Variants in DLC1 observed in about 807,000 individuals in gnomAD.
DLC1 encodes the protein DLC1 Rho GTPase activating protein, also known as rho GTPase-activating protein 7.
A neutral mutation model predicts 140.3 loss-of-function variants in DLC1; 54 were observed. That is an observed-to-expected ratio of 0.38 (90% CI 0.31 to 0.48). The LOEUF is 0.48. Ranked by LOEUF, DLC1 falls within the 20% of genes least tolerant of loss-of-function variation. DLC1 has a pLI of 0.96. For synonymous variants in DLC1, 986 were observed against 728.1 expected (o/e 1.35, Z -5.70); for missense variants, 2,536 against 1,907.0 (o/e 1.33, Z -6.14).
chr8:13,359,861 C>G (rs1395524317), intron 4 of DLC1, among the ~76,000 whole-genome samples: 3 of 152,156 alleles, frequency 2.0e-5, no homozygotes, highest in African/African-American at 7.2e-5. Flanking sequence ...TTTAAGTTCT[C>G]ATGCTATTCA....
chr8:13,296,110 C>T (rs1200224006), intron 5 of DLC1, among the ~76,000 whole-genome samples: 3 of 151,706 alleles, frequency 2.0e-5, no homozygotes, highest in Non-Finnish European at 4.4e-5. Context: ...CATGCACCAC[C>T]ACGCCCAGCT....
At chr8:13,134,182 A>G (rs2128965850) in intron 5 of DLC1, among the ~76,000 whole-genome samples, 1 of 152,368 alleles carries the variant, frequency 6.6e-6, no homozygotes, top group Admixed American at 6.5e-5. Context: ...AAGGGATCAC[A>G]GCTAAATATA....
At position 13,496,808 on chromosome 8, in the gene DLC1, TTTTTTTTTTTG is replaced by T. The variant is rs1389914753; in HGVS notation, c.1023+2230_1023+2240del. The stretch of plus-strand genomic sequence containing the variant: ...TTCCTTTTTTTTTTTTTTTTTTTTT[TTTTTTTTTTTG>T]AGATGGAGTTTCGCTGTGTCACCCA... On this transcript the variant is annotated intron_variant, in intron 2 of 17. Transcript: ENST00000276297. Among the ~76,000 whole-genome samples the T allele has an allele frequency of 1.9e-4, 22 of 118,800 alleles. 3 individuals are homozygous for T. The highest frequency in any genetic ancestry group is 7.2e-4 in the East Asian group (3 of 4,166). 77.9% of individuals were successfully genotyped at this position (118,800 alleles called of 152,430 possible).
intron 2 of DLC1, among the ~76,000 whole-genome samples, chr8:13,428,158 A>C (rs1269077182): frequency 6.6e-6 from 1 of 152,148 alleles, no homozygotes; most frequent in Non-Finnish European, 1.5e-5. Flanking sequence ...TAAAAAGATA[A>C]GGTGGCAAAA....
At chr8:13,177,335 T>C (rs1197055194) in intron 5 of DLC1, among the ~76,000 whole-genome samples, 4 of 152,256 alleles carry the variant, frequency 2.6e-5, no homozygotes, top group Non-Finnish European at 4.4e-5. Context: ...ATTAATGATA[T>C]GTCATTAGTT....
chr8:13,600,122 T>C (rs1450033298), intron 1 of DLC1, among the ~76,000 whole-genome samples: 1 of 151,722 alleles, frequency 6.6e-6, no homozygotes, highest in East Asian at 1.9e-4. Flanking sequence ...CTTTTAGGAG[T>C]TGTACCAAAA....
In DLC1 at chr8:13,094,762, G is replaced by C. The variant is rs751700838; in HGVS notation, c.3523C>G (p.Gln1175Glu). 6.2e-7 allele frequency: 1 copy of C among 1,614,148 alleles called. No individual in the cohort carries two copies. Among genetic ancestry groups the C allele is most frequent in the Non-Finnish European group, 8.5e-7 (1 of 1,180,028 alleles). Residue 1175 changes from glutamine to glutamate, a missense_variant, in exon 12 of 18, where the codon CAA (glutamine) becomes GAA (glutamate). Transcript: ENST00000276297. ...KLSETFLQIY[Q>E]YVPKDQRLQA... The stretch of plus-strand genomic sequence containing the variant: ...CTTAAGATCAAAGGACACTCACATT[G>C]GTAGATCTGTAGAAAGGTTTCCGAG...
intron 4 of DLC1, among the ~76,000 whole-genome samples, chr8:13,374,608 C>T (rs1036871709): frequency 6.6e-6 from 1 of 152,168 alleles, no homozygotes; most frequent in Non-Finnish European, 1.5e-5. Context: ...CATGGTGAAA[C>T]CCCATCTCTG....
chr8:13,334,435 G>C (rs1022538226), intron 4 of DLC1, among the ~76,000 whole-genome samples: 1 of 152,158 alleles, frequency 6.6e-6, no homozygotes, highest in African/African-American at 2.4e-5. Context: ...TTCTAAGCAA[G>C]AAGAGTATCA....
At chr8:13,357,538 C>G (rs146115936) in intron 4 of DLC1, among the ~76,000 whole-genome samples, 8 of 152,294 alleles carry the variant, frequency 5.3e-5, no homozygotes, top group Admixed American at 3.3e-4. Context: ...GGTAATTGTT[C>G]TCTGAACTCT....
chr8:13,410,377 C>A (rs1837732656), intron 2 of DLC1, among the ~76,000 whole-genome samples: 1 of 151,846 alleles, frequency 6.6e-6, no homozygotes, highest in African/African-American at 2.4e-5. Context: ...AGGTTCTGCC[C>A]AATGCAACAG....
chr8:13,262,890 C>G (rs191431934), intron 5 of DLC1, among the ~76,000 whole-genome samples: 2 of 152,306 alleles, frequency 1.3e-5, no homozygotes, highest in Admixed American at 6.5e-5. Flanking sequence ...ATAACCATCA[C>G]TAGTTATGAA....
chr8:13,369,633 G>GT (rs886823368), intron 4 of DLC1, among the ~76,000 whole-genome samples: 42 of 152,008 alleles, frequency 2.8e-4, no homozygotes, highest in Middle Eastern at 6.8e-3. Flanking sequence ...CAGAACCCCT[G>GT]TTTTTTTCTC....
At chr8:13,313,270 TA>T (rs1278191411) in intron 4 of DLC1, among the ~76,000 whole-genome samples, 2 of 152,200 alleles carry the variant, frequency 1.3e-5, no homozygotes, top group African/African-American at 4.8e-5. Context: ...TCAAGCCAAG[TA>T]CTCACTACCT....
At chr8:13,176,723 C>G (rs147119235) in intron 5 of DLC1, among the ~76,000 whole-genome samples, 1 of 152,152 alleles carries the variant, frequency 6.6e-6, no homozygotes, top group Non-Finnish European at 1.5e-5. Context: ...TTATGTTACA[C>G]GGCAATGAAG....
chr8:13,583,140 C>G (rs2117450150), intron 1 of DLC1, among the ~76,000 whole-genome samples: 1 of 151,926 alleles, frequency 6.6e-6, no homozygotes, highest in African/African-American at 2.4e-5. Context: ...ATGAAATTTG[C>G]TGCATCAATA....
chr8:13,481,929 T>C (rs866625081), intron 2 of DLC1, among the ~76,000 whole-genome samples: 1 of 152,016 alleles, frequency 6.6e-6, no homozygotes. Flanking sequence ...TATAGAAAGA[T>C]AATATACCTA....
intron 5 of DLC1, among the ~76,000 whole-genome samples, chr8:13,170,329 C>G (rs1825374038): frequency 6.6e-6 from 1 of 152,112 alleles, no homozygotes; most frequent in Admixed American, 6.5e-5. Flanking sequence ...AGAAGAAAAT[C>G]CATTAAACAC....
chr8:13,516,665 T>C (rs888822402), upstream of DLC1, among the ~76,000 whole-genome samples: 3 of 152,200 alleles, frequency 2.0e-5, no homozygotes, highest in Non-Finnish European at 2.9e-5. Flanking sequence ...ACTAAAAACA[T>C]GAGCATTTAG....
Sources: allele counts gnomAD v4.1 joint callset (sites outside exome capture counted in the v4.1 genomes callset), GRCh38; gene constraint gnomAD v4.1.1; transcripts MANE v1.5; gene names NCBI Gene and HGNC (gene_info 2026-07-23, HGNC 2026-07-21).